The following IL17RC variants were observed in gnomAD, a reference collection of about 807,000 sequenced individuals.
IL17RC encodes interleukin 17 receptor C, also known as interleukin-17 receptor C.
IL17RC carries 53 observed loss-of-function variants against 86.7 expected under a neutral mutation model. The observed-to-expected ratio is 0.61, with a 90% CI of 0.49 to 0.77. IL17RC has a LOEUF of 0.77. Among genes scored for constraint, IL17RC ranks in the 30% least tolerant of loss-of-function variants. The probability of loss-of-function intolerance (pLI) is 0.00; values close to 1 mark genes in which losing one functional copy is unlikely to be tolerated. For missense variants in IL17RC, 957 were observed against 940.0 expected (o/e 1.02, Z -0.24); for synonymous variants, 439 against 413.1 (o/e 1.06, Z -0.76).
intron 5 of IL17RC, among the ~76,000 whole-genome samples, chr3:9,919,558 A>G (rs1254088065): frequency 3.3e-5 from 5 of 152,114 alleles, no homozygotes; most frequent in Non-Finnish European, 7.4e-5. Flanking sequence ...AGGCAGGAGA[A>G]TGGCGTGAAC....
At chr3:9,921,449 C>T (rs1000128910) in intron 7 of IL17RC, among the ~76,000 whole-genome samples, 10 of 138,766 alleles carry the variant, frequency 7.2e-5, no homozygotes, top group Admixed American at 3.0e-4. Context: ...AGCAAGACTC[C>T]GTCTCAAAAA....
intron 9 of IL17RC, among the ~76,000 whole-genome samples, chr3:9,926,232 C>T (rs1055841836): frequency 2.6e-5 from 4 of 151,726 alleles, no homozygotes; most frequent in Non-Finnish European, 5.9e-5. Flanking sequence ...CAGGGTTTCA[C>T]CATGTTGGTC....
Position 9,920,798 on chromosome 3 carries a change from T to A in IL17RC, c.578-127T>A, listed in dbSNP as rs555244620. The stretch of plus-strand genomic sequence containing the variant: ...CCCCTGGGGAAGGTTCTTTGAGCAT[T>A]GGATAGATGTGGGTGGTATGTAGGG... On this transcript the variant is annotated intron_variant, in intron 6 of 18. Transcript: ENST00000403601. 42 of 798,478 alleles carry A rather than the reference T, an allele frequency of 5.3e-5. No individual in the cohort carries two copies. In the South Asian group the frequency reaches 7.1e-4, roughly 13 times the overall value. The allele number at this position is 798,478 out of a possible 1,614,324, so 49.5% of individuals were successfully genotyped here.
At position 9,928,302 on chromosome 3, in the gene IL17RC, C is replaced by T; in HGVS notation, c.878-3C>T. On this transcript the variant is annotated splice_polypyrimidine_tract_variant and splice_region_variant and intron_variant, in intron 10 of 18. Coordinates refer to ENST00000403601, the MANE Select transcript of IL17RC (RefSeq NM_153460.4). ...CTGCGGTGACTGTGCCCTTTCCTTGCAGACCCCCGCGCACACCAGAACCTC... is the reference window on the plus strand; with the variant it reads ...CTGCGGTGACTGTGCCCTTTCCTTGTAGACCCCCGCGCACACCAGAACCTC... The T allele has an allele frequency of 6.2e-7, 1 of 1,609,544 alleles. No individual in the cohort carries two copies. The highest frequency in any genetic ancestry group is 8.5e-7 in the Non-Finnish European group (1 of 1,176,974).
rs1043620681 is a variant in IL17RC, at chr3:9,932,675, C to T, written c.1455C>T (p.Ile485=). The change falls in exon 17 of 19, where the codon ATC becomes ATT. Residue 485 remains isoleucine (I), a synonymous_variant. Coordinates refer to ENST00000403601, the MANE Select transcript of IL17RC (RefSeq NM_153460.4). ...TCTTTGCCGCTGCGCTTTCCCTCAT[C>T]CTCCTTCTCAAAAAGGATCACGCGA... ...CLLFAAALSL[I]LLLKKDHAKG... is the part of the protein sequence containing the mutation. 1 of 1,614,180 alleles carries T rather than the reference C, an allele frequency of 6.2e-7. No individual in the cohort carries two copies. The highest frequency in any genetic ancestry group is 1.7e-5 in the Admixed American group (1 of 60,026).
At chr3:9,917,859 G>A in intron 2 of IL17RC, 64 bp from the exon 3 acceptor site, 1 of 1,610,918 alleles carries the variant, frequency 6.2e-7, no homozygotes, top group Non-Finnish European at 8.5e-7. Flanking sequence ...CTCTGGGTAT[G>A]TCAGGTGCCA....
At chr3:9,924,969 T>TA (rs2083920404) in intron 9 of IL17RC, among the ~76,000 whole-genome samples, 1 of 151,278 alleles carries the variant, frequency 6.6e-6, no homozygotes, top group Non-Finnish European at 1.5e-5. Context: ...ACTCAGCTAG[T>TA]TTTTTTTTGT....
At chr3:9,920,277 C>T (rs1455171852) in intron 5 of IL17RC, 20 of 529,932 alleles carry the variant, frequency 3.8e-5, no homozygotes, top group African/African-American at 1.5e-4. Flanking sequence ...GGCCTTTTCC[C>T]GCCCTGGTGA....
At chr3:9,920,055 A>G (rs1279806900) in intron 5 of IL17RC, among the ~76,000 whole-genome samples, 2 of 152,126 alleles carry the variant, frequency 1.3e-5, no homozygotes, top group African/African-American at 4.8e-5. Flanking sequence ...TCCAGCCCCC[A>G]GCCAATATCC....
At position 9,933,152 on chromosome 3, in the gene IL17RC, C is replaced by T. The variant is rs1289278402; in HGVS notation, c.1722C>T (p.Gly574=). 2 of 1,602,558 alleles carry T rather than the reference C, an allele frequency of 1.2e-6. No individual in the cohort carries two copies. Among genetic ancestry groups the T allele is most frequent in the East Asian group, 2.2e-5 (1 of 44,726 alleles). ...HAQRRQTLQE[G]GVVVLLFSPG... ...AGCGGCGCCAGACCCTGCAGGAGGG[C>T]GGCGTGGTGGTCTTGCTCTTCTCTC... The change falls in exon 19 of 19, where the codon GGC becomes GGT. Residue 574 remains glycine, a synonymous_variant. Coordinates refer to ENST00000403601, the MANE Select transcript of IL17RC (RefSeq NM_153460.4).
chr3:9,918,037 A>G lies in IL17RC; in HGVS notation c.242A>G (p.Asp81Gly). 6.2e-7 allele frequency: 1 copy of G among 1,604,644 alleles called. No individual in the cohort carries two copies. Among genetic ancestry groups the G allele is most frequent in the Non-Finnish European group, 8.5e-7 (1 of 1,175,554 alleles). The change falls in exon 3 of 19, where the codon GAC (aspartate) becomes GGC (glycine). Residue 81 changes from aspartate to glycine, a missense_variant. By Grantham distance (94) the Asp-to-Gly change is moderately conservative. Coordinates refer to ENST00000403601, the MANE Select transcript of IL17RC (RefSeq NM_153460.4). ...VLRCQKETDC[D>G]LCLRVAVHLA... The stretch of plus-strand genomic sequence containing the variant: ...AGGTGCCAGAAGGAGACCGACTGTG[A>G]CCTCTGTCTGCGTGTGGCTGTCCAC...
rs1443687025 is a variant in IL17RC, at chr3:9,923,113, C to T, written c.623-768C>T. On this transcript the variant is annotated intron_variant, in intron 7 of 18. Coordinates refer to ENST00000403601, the MANE Select transcript of IL17RC (RefSeq NM_153460.4). ...ATGGCTTGAACCCCAGGAGGCAGAG[C>T]TTGCAGTGAGCCGAGATCACACCAC... 2.1e-4 allele frequency among the ~76,000 whole-genome samples: 30 copies of T among 145,898 alleles called. No individual in the cohort carries two copies. The Admixed American group carries it at 2.1e-3, about 10-fold the overall frequency.
In IL17RC at chr3:9,930,793, G is replaced by A; in HGVS notation, c.1339-102G>A. Reference sequence around the variant, plus strand: ...TGCAGGAACCTTAGCCGGGAGATATGCATAGTTGATGCTGGGAATTTGGAG... The same window carrying A: ...TGCAGGAACCTTAGCCGGGAGATATACATAGTTGATGCTGGGAATTTGGAG... On this transcript the variant is annotated intron_variant, in intron 15 of 18. Transcript: ENST00000403601. The surrounding 1 kb of genome is among the most constrained non-coding windows in gnomAD (Gnocchi z 5.8). 2 of 1,001,428 alleles carry A rather than the reference G, an allele frequency of 2.0e-6. No individual in the cohort carries two copies. The highest frequency in any genetic ancestry group is 3.2e-6 in the Non-Finnish European group (2 of 620,428). The allele number at this position is 1,001,428 out of a possible 1,614,324, so 62.0% of individuals were successfully genotyped here.
intron 12 of IL17RC, chr3:9,929,577 C>T (rs1324693404): frequency 1.2e-5 from 6 of 485,860 alleles, no homozygotes; most frequent in Non-Finnish European, 1.9e-5. Context: ...AAAGGAATCT[C>T]TTTGAGAAGG....
Position 9,933,609 on chromosome 3 carries a change from GT to G in IL17RC, c.*21del. ...CGGGACTTAAATAAAGGCAGACGCT[GT>G]TTTTCTACCCATGTGGCCCACACGC... is the stretch of plus-strand genomic sequence containing the variant. On this transcript the variant is annotated 3_prime_UTR_variant, in exon 19 of 19. Transcript: ENST00000403601. 4 of 1,560,418 alleles carry G rather than the reference GT, an allele frequency of 2.6e-6. No homozygotes were observed. The highest frequency in any genetic ancestry group is 2.6e-6 in the Non-Finnish European group (3 of 1,157,134).
intron 9 of IL17RC, among the ~76,000 whole-genome samples, chr3:9,926,691 C>T (rs1383803535): frequency 6.6e-6 from 1 of 151,760 alleles, no homozygotes; most frequent in African/African-American, 2.4e-5. Context: ...GGCGTGATCT[C>T]GGCTCACTGC....
In IL17RC at chr3:9,930,038, G is replaced by A. The variant is rs192723244; in HGVS notation, c.1167G>A (p.Gly389=). Residue 389 remains glycine (G), a synonymous_variant, in exon 14 of 19, where the codon GGG becomes GGA. Coordinates refer to ENST00000403601, the MANE Select transcript of IL17RC (RefSeq NM_153460.4). This position sits in a 1 kb window ranked among gnomAD's most constrained non-coding sequence, Gnocchi z 5.8. ...TCTCACCCCTTCCAGACTCCCTGGG[G>A]CCTCTCAAAGACGATGTGCTACTGT... ...LQECLWADSL[G]PLKDDVLLLE... The A allele has an allele frequency of 6.2e-7, 1 of 1,614,046 alleles. No individual in the cohort carries two copies. Among genetic ancestry groups the A allele is most frequent in the East Asian group, 2.2e-5 (1 of 44,868 alleles).
Position 9,932,852 on chromosome 3 carries a change from T to G in IL17RC, c.1516T>G (p.Ser506Ala). Reference protein sequence around the residue: ...WLRLLKQDVRSGAAARGRAAL... With the variant: ...WLRLLKQDVRAGAAARGRAAL... ...GAGGCTCTTGAAACAGGACGTCCGC[T>G]CGGGGGGTGAGTGGGAGCAAGCGCT... The change falls in exon 18 of 19, where the codon TCG (serine) becomes GCG (alanine). Residue 506 changes from serine (S) to alanine (A), a missense_variant. Coordinates refer to ENST00000403601, the MANE Select transcript of IL17RC (RefSeq NM_153460.4). 1 of 1,568,558 alleles carries G rather than the reference T, an allele frequency of 6.4e-7. No individual in the cohort carries two copies. Among genetic ancestry groups the G allele is most frequent in the Non-Finnish European group, 8.6e-7 (1 of 1,162,288 alleles).
chr3:9,931,356 G>A (rs1168650747), intron 16 of IL17RC, among the ~76,000 whole-genome samples: 1 of 151,718 alleles, frequency 6.6e-6, no homozygotes, highest in African/African-American at 2.4e-5. Context: ...TCTTGGACAG[G>A]CAGGTTTCTG....
Sources: allele counts gnomAD v4.1 joint callset (sites outside exome capture counted in the v4.1 genomes callset), GRCh38; gene constraint gnomAD v4.1.1; non-coding constraint Gnocchi (gnomAD v3.1); transcripts MANE v1.5; gene names NCBI Gene and HGNC (gene_info 2026-07-23, HGNC 2026-07-21).